The following TTBK2 variants were observed in gnomAD, a reference collection of about 807,000 sequenced individuals.
TTBK2 encodes tau-tubulin kinase 2.
Under a neutral mutation model 110.8 loss-of-function variants are expected in TTBK2, and 28 were observed. The observed-to-expected ratio is 0.25, with a 90% CI of 0.19 to 0.35. TTBK2 has a LOEUF of 0.35. TTBK2 is among the 10% of genes least tolerant of loss of function. The probability of loss-of-function intolerance (pLI) is 1.00; values close to 1 mark genes in which losing one functional copy is unlikely to be tolerated. For synonymous variants in TTBK2, 532 were observed against 527.3 expected (o/e 1.01, Z -0.12); for missense variants, 1,369 against 1,500.3 (o/e 0.91, Z 1.45).
intron 10 of TTBK2, among the ~76,000 whole-genome samples, chr15:42,789,876 C>CACACAT (rs768850495): frequency 1.1e-4 from 17 of 151,812 alleles, no homozygotes; most frequent in African/African-American, 4.1e-4. Flanking sequence ...CACACACACA[C>CACACAT]ATATACATTT....
At chr15:42,839,278 T>G (rs1036473684) in intron 4 of TTBK2, among the ~76,000 whole-genome samples, 2 of 152,242 alleles carry the variant, frequency 1.3e-5, no homozygotes, top group African/African-American at 4.8e-5. Flanking sequence ...GAACATGATT[T>G]CATTCATTTT....
intron 7 of TTBK2, 137 bp downstream of exon 7, chr15:42,816,895 G>A (rs1030037269): frequency 2.5e-6 from 1 of 405,792 alleles, no homozygotes; most frequent in Non-Finnish European, 3.6e-6. Context: ...CTCCAGCCCG[G>A]GCGACAGTGC....
At chr15:42,848,152 T>G (rs1893545564) in intron 3 of TTBK2, among the ~76,000 whole-genome samples, 1 of 152,176 alleles carries the variant, frequency 6.6e-6, no homozygotes, top group Non-Finnish European at 1.5e-5. Flanking sequence ...ATAACATGCC[T>G]CACAAAGACA....
intron 10 of TTBK2, among the ~76,000 whole-genome samples, chr15:42,794,123 T>TA (rs917763723): frequency 1.8e-5 from 2 of 109,660 alleles, no homozygotes; most frequent in African/African-American, 3.5e-5. Context: ...AAAAGACAAA[T>TA]AAAAAAACAA....
intron 1 of TTBK2, among the ~76,000 whole-genome samples, chr15:42,895,019 T>C (rs1298211626): frequency 2.0e-5 from 3 of 152,182 alleles, no homozygotes; most frequent in Admixed American, 6.5e-5. Context: ...TATTCATTCA[T>C]GGTATAAAAC....
chr15:42,815,958 A>AAAAATATATATAT (rs71108183), intron 7 of TTBK2, among the ~76,000 whole-genome samples: 1,103 of 91,636 alleles, frequency 0.012, 31 homozygotes, highest in Non-Finnish European at 0.016. Flanking sequence ...TTAAAAAAAA[A>AAAAATATATATAT]ATATATATAT....
intron 9 of TTBK2, among the ~76,000 whole-genome samples, chr15:42,806,647 G>A (rs901847618): frequency 3.3e-5 from 5 of 152,142 alleles, no homozygotes. Flanking sequence ...TTCTTCCCTT[G>A]GCTTGTAACA....
In TTBK2 at chr15:42,743,132, G is replaced by T. The variant is rs1452098928; in HGVS notation, c.*2663C>A. On this transcript the variant is annotated 3_prime_UTR_variant, in exon 15 of 15. Coordinates refer to ENST00000267890, the MANE Select transcript of TTBK2 (RefSeq NM_173500.4). Reference sequence around the variant, plus strand: ...ATATATAATTAGTCTGTTTTCTTTAGAAAGTATCAGAGCAGAAACGTCTTT... The same window carrying T: ...ATATATAATTAGTCTGTTTTCTTTATAAAGTATCAGAGCAGAAACGTCTTT... 6.6e-6 allele frequency: 1 copy of T among 152,162 alleles called. No homozygotes were observed. Among genetic ancestry groups the T allele is most frequent in the African/African-American group, 2.4e-5 (1 of 41,456 alleles). The allele number at this position is 152,162 out of a possible 1,614,324, so 9.4% of individuals were successfully genotyped here. A position where few individuals can be genotyped will look rare whatever the true frequency, so the allele number is the denominator to read the frequency against.
chr15:42,816,404 A>G (rs1892030037), intron 7 of TTBK2, among the ~76,000 whole-genome samples: 1 of 151,732 alleles, frequency 6.6e-6, no homozygotes, highest in African/African-American at 2.4e-5. Flanking sequence ...GTTAATACTT[A>G]TATCTAATTA....
At chr15:42,815,220 G>C (rs973313368) in intron 7 of TTBK2, among the ~76,000 whole-genome samples, 3 of 151,650 alleles carry the variant, frequency 2.0e-5, no homozygotes, top group African/African-American at 7.3e-5. Flanking sequence ...ATGAAATAAA[G>C]CAACACTGAA....
chr15:42,815,117 A>C (rs981954354), intron 7 of TTBK2, among the ~76,000 whole-genome samples: 6 of 152,202 alleles, frequency 3.9e-5, no homozygotes, highest in African/African-American at 1.4e-4. Flanking sequence ...ATTAACTGGA[A>C]AACCTAGTAT....
At chr15:42,843,890 C>T (rs945240392) in intron 3 of TTBK2, among the ~76,000 whole-genome samples, 3 of 152,064 alleles carry the variant, frequency 2.0e-5, no homozygotes, top group African/African-American at 7.2e-5. Flanking sequence ...CCAGGCGTCC[C>T]CCACCCAGGG....
At chr15:42,847,277 T>C (rs534716493) in intron 3 of TTBK2, among the ~76,000 whole-genome samples, 48 of 152,296 alleles carry the variant, frequency 3.2e-4, no homozygotes, top group African/African-American at 1.0e-3. Context: ...TTTTTAATTG[T>C]TTGTTTTCTT....
At chr15:42,763,216 T>A (rs1889187250) in intron 13 of TTBK2, among the ~76,000 whole-genome samples, 3 of 50,370 alleles carry the variant, frequency 6.0e-5, no homozygotes, top group African/African-American at 8.4e-5. Flanking sequence ...TTTTTTTTTT[T>A]TTTTTTTTTT....
chr15:42,807,440 G>A (rs954447975), intron 9 of TTBK2, among the ~76,000 whole-genome samples: 1 of 151,924 alleles, frequency 6.6e-6, no homozygotes, highest in Non-Finnish European at 1.5e-5. Context: ...TTGAGATGGA[G>A]TCTCACCCTG....
Position 42,816,754 on chromosome 15 carries a change from C to A in TTBK2, c.603+278G>T, listed in dbSNP as rs149323525. ...CCAACATGGTGAAACACTTTCTCTACTAAAAATACAAAAAATTAGCTGGGC... is the reference window on the plus strand; with the variant it reads ...CCAACATGGTGAAACACTTTCTCTAATAAAAATACAAAAAATTAGCTGGGC... On this transcript the variant is annotated intron_variant, in intron 7 of 14. Transcript: ENST00000267890. Among the ~76,000 whole-genome samples the A allele has an allele frequency of 7.9e-3, 1,194 of 151,980 alleles. 48 individuals are homozygous for A. The highest frequency in any genetic ancestry group is 0.064 in the Admixed American group (981 of 15,254).
At chr15:42,836,868 C>T (rs141573877) in intron 4 of TTBK2, among the ~76,000 whole-genome samples, 44 of 152,276 alleles carry the variant, frequency 2.9e-4, no homozygotes, top group Admixed American at 6.5e-4. Context: ...AGGCTAGTAC[C>T]AGACAAATCA....
rs143320833 is a variant in TTBK2 at position 42,791,195 on chromosome 15, T to A, written c.980+3449A>T. ...CACGGTGCCTGGCCAATTTTTGTAT[T>A]TTTCAGTAGAAACGGGGTTTCACCA... is the stretch of plus-strand genomic sequence containing the variant. On this transcript the variant is annotated intron_variant, in intron 10 of 14. Transcript: ENST00000267890. Among the ~76,000 whole-genome samples, 1,287 of 152,166 alleles carry A rather than the reference T, an allele frequency of 8.5e-3. 23 individuals are homozygous for A. The highest frequency in any genetic ancestry group is 0.029 in the African/African-American group (1,222 of 41,536).
Position 42,793,705 on chromosome 15 carries a change from G to C in TTBK2, c.980+939C>G, listed in dbSNP as rs998149032. ...CTCTACTAAAAATACAAAATTAGCC[G>C]GGCGTGGTGGCAAAGGCCTGTAATC... On this transcript the variant is annotated intron_variant, in intron 10 of 14. Transcript: ENST00000267890. 1.3e-5 allele frequency among the ~76,000 whole-genome samples: 2 copies of C among 151,948 alleles called. 1 individual carries two copies. The highest frequency in any genetic ancestry group is 4.8e-5 in the African/African-American group (2 of 41,368).
Sources: gnomAD v4.1 joint callset for allele counts (sites outside exome capture counted in the v4.1 genomes callset) on GRCh38, gnomAD v4.1.1 for gene constraint, MANE v1.5 for transcripts, NCBI Gene and HGNC (gene_info 2026-07-23, HGNC 2026-07-21) for gene names.